ARPC1A: variants seen among roughly 807,000 people sequenced by gnomAD.
ARPC1A encodes actin-related protein 2/3 complex subunit 1A.
A neutral mutation model predicts 46.9 loss-of-function variants in ARPC1A; 8 were observed. The observed-to-expected ratio is 0.17, with a 90% CI of 0.10 to 0.31. ARPC1A has a LOEUF of 0.31. Ranked by LOEUF, ARPC1A falls within the 10% of genes least tolerant of loss-of-function variation. The probability of loss-of-function intolerance (pLI) is 1.00; values close to 1 mark genes in which losing one functional copy is unlikely to be tolerated. For missense variants in ARPC1A, 286 were observed against 483.6 expected (o/e 0.59, Z 3.83); for synonymous variants, 152 against 169.0 (o/e 0.90, Z 0.78).
At chr7:99,358,534 C>T in intron 7 of ARPC1A, 119 bp downstream of exon 7, 1 of 465,616 alleles carries the variant, frequency 2.1e-6, no homozygotes, top group East Asian at 4.3e-5. Context: ...AAACAGAGCT[C>T]ACTTTTTTTT....
At chr7:99,339,845 G>A in intron 3 of ARPC1A, 2 of 373,544 alleles carry the variant, frequency 5.4e-6, no homozygotes, top group South Asian at 3.7e-5. Flanking sequence ...TGGTAGATGT[G>A]TTAATACCAC....
intron 7 of ARPC1A, 59 bp downstream of exon 7, chr7:99,358,474 A>G (rs1793680409): frequency 6.8e-7 from 1 of 1,471,712 alleles, no homozygotes; most frequent in Admixed American, 1.7e-5. Context: ...CAGACAGGGA[A>G]CAATGTGTGC....
chr7:99,352,759 G>A (rs1431582558), intron 5 of ARPC1A, among the ~76,000 whole-genome samples: 1 of 151,880 alleles, frequency 6.6e-6, no homozygotes, highest in Non-Finnish European at 1.5e-5. Flanking sequence ...GAGGTCAGGA[G>A]TTCAAGACCA....
intron 7 of ARPC1A, among the ~76,000 whole-genome samples, chr7:99,359,163 C>T (rs1020413022): frequency 6.8e-6 from 1 of 148,092 alleles, no homozygotes; most frequent in Admixed American, 6.7e-5. Context: ...GGGTGGGGCA[C>T]GATGGCTCAC....
chr7:99,346,919 CA>C (rs1220751710), intron 4 of ARPC1A, among the ~76,000 whole-genome samples: 29 of 152,070 alleles, frequency 1.9e-4, no homozygotes, highest in Non-Finnish European at 4.0e-4. Flanking sequence ...GTAGAGGTTG[CA>C]ATGAGCCGAG....
Position 99,346,089 on chromosome 7 carries a change from G to T in ARPC1A, c.392+1574G>T, listed in dbSNP as rs13229559. On this transcript the variant is annotated intron_variant, in intron 4 of 9. Transcript: ENST00000262942. The stretch of plus-strand genomic sequence containing the variant: ...AAATTAACGGGGTGTGGTGGTGCAT[G>T]CCTGTAATCCCAGCTACCTGGGAGG... Among the ~76,000 whole-genome samples, 858 of 152,126 alleles carry T rather than the reference G, an allele frequency of 5.6e-3. 6 individuals carry two copies. Among genetic ancestry groups the T allele is most frequent in the Middle Eastern group, 0.02 (6 of 294 alleles).
chr7:99,350,803 G>C (rs1286403602), intron 5 of ARPC1A, among the ~76,000 whole-genome samples: 1 of 151,612 alleles, frequency 6.6e-6, no homozygotes, highest in Non-Finnish European at 1.5e-5. Flanking sequence ...GAGCCACCAT[G>C]CCTGGCTGAT....
chr7:99,348,003 C>T (rs185198132), intron 4 of ARPC1A, among the ~76,000 whole-genome samples: 36 of 152,232 alleles, frequency 2.4e-4, no homozygotes, highest in Admixed American at 1.0e-3. Context: ...CTGACTGGTC[C>T]TAGACATAAA....
intron 3 of ARPC1A, among the ~76,000 whole-genome samples, chr7:99,343,120 T>A (rs1793382838): frequency 6.6e-6 from 1 of 152,142 alleles, no homozygotes; most frequent in South Asian, 2.1e-4. Flanking sequence ...CTGTAATAAA[T>A]ATTTATTAGT....
rs141223193 is a variant in ARPC1A at position 99,355,756 on chromosome 7, G to A, written c.713+1635G>A. Among the ~76,000 whole-genome samples the A allele has an allele frequency of 2.0e-4, 31 of 152,052 alleles. No homozygotes were observed. The East Asian group carries it at 5.0e-3, about 25-fold the overall frequency. ...AAGACTCCATCTCAAAAAAAAAAAGGCTAGTTTAGTCTGTTACTCTGAATT... is the reference window on the plus strand; with the variant it reads ...AAGACTCCATCTCAAAAAAAAAAAGACTAGTTTAGTCTGTTACTCTGAATT... On this transcript the variant is annotated intron_variant, in intron 6 of 9. Transcript: ENST00000262942.
rs188644512 is a variant in ARPC1A at position 99,347,572 on chromosome 7, G to A, written c.393-1280G>A. On this transcript the variant is annotated intron_variant, in intron 4 of 9. Coordinates refer to ENST00000262942, the MANE Select transcript of ARPC1A (RefSeq NM_006409.4). Reference sequence around the variant, plus strand: ...TTACAAAAATTAGCCGGGCGTGGTGGCGTGAGCCTATAATCCCAGCTATCG... The same window carrying A: ...TTACAAAAATTAGCCGGGCGTGGTGACGTGAGCCTATAATCCCAGCTATCG... Among the ~76,000 whole-genome samples the A allele has an allele frequency of 1.8e-4, 28 of 152,226 alleles. No individual in the cohort carries two copies. In the East Asian group the frequency reaches 5.2e-3, roughly 28 times the overall value.
intron 8 of ARPC1A, among the ~76,000 whole-genome samples, chr7:99,360,997 T>C (rs909191102): frequency 2.7e-5 from 4 of 149,918 alleles, no homozygotes; most frequent in African/African-American, 9.9e-5. Flanking sequence ...ATATTCTAAA[T>C]TACTGTGTTC....
At chr7:99,354,870 T>A (rs2150871287) in intron 6 of ARPC1A, among the ~76,000 whole-genome samples, 1 of 152,124 alleles carries the variant, frequency 6.6e-6, no homozygotes, top group Non-Finnish European at 1.5e-5. Flanking sequence ...CCCAGCACTT[T>A]GGGAGGCTGA....
chr7:99,338,050 T>TA, intron 2 of ARPC1A, 131 bp from the exon 3 acceptor site: 1 of 571,876 alleles, frequency 1.7e-6, no homozygotes, highest in East Asian at 3.1e-5. Context: ...CAGAGGTGAA[T>TA]TTGGGAACTA....
At chr7:99,337,289 C>T (rs1338512494) in intron 2 of ARPC1A, among the ~76,000 whole-genome samples, 4 of 152,116 alleles carry the variant, frequency 2.6e-5, no homozygotes, top group African/African-American at 7.2e-5. Flanking sequence ...GGCGTGGTGG[C>T]GCATGCCTGT....
chr7:99,352,610 A>G (rs1793561859), intron 5 of ARPC1A, among the ~76,000 whole-genome samples: 1 of 150,926 alleles, frequency 6.6e-6, no homozygotes, highest in African/African-American at 2.4e-5. Flanking sequence ...CTTTGATCAC[A>G]CCACTACACT....
At chr7:99,362,686 A>G (rs767450218) in intron 8 of ARPC1A, among the ~76,000 whole-genome samples, 5 of 151,682 alleles carry the variant, frequency 3.3e-5, no homozygotes, top group Non-Finnish European at 7.4e-5. Flanking sequence ...CTGTACGGGC[A>G]TAGGCAGTGT....
Position 99,358,362 on chromosome 7 carries a change from T to A in ARPC1A, c.736T>A (p.Phe246Ile). 2 of 1,613,930 alleles carry A rather than the reference T, an allele frequency of 1.2e-6. No individual in the cohort carries two copies. Among genetic ancestry groups the A allele is most frequent in the Non-Finnish European group, 1.7e-6 (2 of 1,179,984 alleles). Residue 246 changes from phenylalanine to isoleucine, a missense_variant, in exon 7 of 10, where the codon TTC (phenylalanine) becomes ATC (isoleucine). By Grantham distance (21) the Phe-to-Ile change is conservative. Coordinates refer to ENST00000262942, the MANE Select transcript of ARPC1A (RefSeq NM_006409.4). ...SVQVSTLKTEFLPLLSVSFVS... is the reference protein window; with the variant it reads ...SVQVSTLKTEILPLLSVSFVS... ...CAGGGTCTCGACTCTGAAGACAGAG[T>A]TCCTGCCGCTCCTAAGTGTGTCATT...
chr7:99,357,162 GT>G (rs1206050995), intron 6 of ARPC1A, among the ~76,000 whole-genome samples: 1 of 152,038 alleles, frequency 6.6e-6, no homozygotes, highest in African/African-American at 2.4e-5. Flanking sequence ...ACAAGTCCCT[GT>G]CTACCCTCGT....
Sources: allele counts gnomAD v4.1 joint callset (sites outside exome capture counted in the v4.1 genomes callset), GRCh38; gene constraint gnomAD v4.1.1; transcripts MANE v1.5; gene names NCBI Gene and HGNC (gene_info 2026-07-23, HGNC 2026-07-21).